Variants in EPAS1 observed in about 807,000 individuals in gnomAD.
EPAS1 encodes the protein endothelial PAS domain protein 1.
In EPAS1, 23 loss-of-function variants were observed where a neutral mutation model predicts 87.9. The ratio of observed to expected loss-of-function variants is 0.26; its 90% confidence interval spans 0.19 to 0.37. The LOEUF (loss-of-function observed/expected upper bound fraction) is 0.37. Among genes scored for constraint, EPAS1 ranks in the 10% least tolerant of loss-of-function variants. The pLI, the probability that EPAS1 is intolerant of heterozygous loss-of-function variation, is 1.00. For synonymous variants in EPAS1, 508 were observed against 444.3 expected (o/e 1.14, Z -1.80); for missense variants, 1,138 against 1,120.7 (o/e 1.02, Z -0.22).
chr2:46,339,153 G>T (rs144046194), intron 1 of EPAS1, among the ~76,000 whole-genome samples: 247 of 152,292 alleles, frequency 1.6e-3, no homozygotes, highest in Non-Finnish European at 3.0e-3. Flanking sequence ...TATTTTGAAA[G>T]AATTCTTAAT....
Position 46,380,534 on chromosome 2 carries a change from G to A in EPAS1, c.1862G>A (p.Cys621Tyr), listed in dbSNP as rs372877151. 11 of 1,614,046 alleles carry A rather than the reference G, an allele frequency of 6.8e-6. No individual in the cohort carries two copies. In the African/African-American group the frequency reaches 8.0e-5, roughly 12 times the overall value. The change falls in exon 12 of 16, where the codon TGT becomes TAT. Residue 621 changes from cysteine to tyrosine, a missense_variant. Cys to Tyr is a radical substitution (Grantham distance 194, BLOSUM62 -2). Transcript: ENST00000263734. The surrounding 1 kb of genome is among the most constrained non-coding windows in gnomAD (Gnocchi z 4.4). ...AGCAAAGCATCCCTGCCACCGTGCT[G>A]TGGCCAGGCCAGCACCCCTCTCTCT... ...AGSKASLPPC[C>Y]GQASTPLSSM...
Position 46,380,556 on chromosome 2 carries a change from C to G in EPAS1, c.1884C>G (p.Leu628=). 2.5e-6 allele frequency: 4 copies of G among 1,614,192 alleles called. No individual in the cohort carries two copies. Among genetic ancestry groups the G allele is most frequent in the Non-Finnish European group, 2.5e-6 (3 of 1,180,024 alleles). The change falls in exon 12 of 16, where the codon CTC becomes CTG. Residue 628 remains leucine (L), a synonymous_variant. Transcript: ENST00000263734. The surrounding 1 kb of genome is among the most constrained non-coding windows in gnomAD (Gnocchi z 4.4). The part of the protein sequence containing the change: ...PPCCGQASTP[L]SSMGGRSNTQ... Reference sequence around the variant, plus strand: ...GCTGTGGCCAGGCCAGCACCCCTCTCTCTTCCATGGGGGGCAGATCCAATA... The same window carrying G: ...GCTGTGGCCAGGCCAGCACCCCTCTGTCTTCCATGGGGGGCAGATCCAATA...
At chr2:46,318,096 C>G (rs1683377637) in intron 1 of EPAS1, among the ~76,000 whole-genome samples, 1 of 151,808 alleles carries the variant, frequency 6.6e-6, no homozygotes, top group Admixed American at 6.6e-5. Flanking sequence ...CACATAGAGC[C>G]CATTGTAGAG....
At chr2:46,343,025 A>G (rs975250096) in intron 1 of EPAS1, among the ~76,000 whole-genome samples, 5 of 152,168 alleles carry the variant, frequency 3.3e-5, no homozygotes, top group East Asian at 3.8e-4. Context: ...CAAAACAAAA[A>G]GAAACACCTT....
chr2:46,372,615 G>A (rs527703770), intron 7 of EPAS1, among the ~76,000 whole-genome samples: 24 of 152,328 alleles, frequency 1.6e-4, no homozygotes, highest in African/African-American at 5.5e-4. Flanking sequence ...GTGCTTTTAG[G>A]CTTTTTATGG....
In EPAS1 at chr2:46,381,662, C is replaced by G; in HGVS notation, c.2112C>G (p.Asn704Lys). The change falls in exon 13 of 16, where the codon AAC (asparagine) becomes AAG (lysine). Residue 704 changes from asparagine (N) to lysine (K), a missense_variant. This residue lies in a region of EPAS1 where 502 missense variants were observed against 427.1 expected (regional missense o/e 1.18). Coordinates refer to ENST00000263734, the MANE Select transcript of EPAS1 (RefSeq NM_001430.5). ...VLSPAMVALS[N>K]KLKLKRQLEY... ...GTCCGGCCATGGTAGCCCTCTCCAA[C>G]AAGCTGAAGCTGAAGCGACAGCTGG... The G allele has an allele frequency of 6.2e-7, 1 of 1,614,058 alleles. No individual in the cohort carries two copies. The highest frequency in any genetic ancestry group is 8.5e-7 in the Non-Finnish European group (1 of 1,180,034).
chr2:46,366,601 G>A (rs955894660), intron 6 of EPAS1, among the ~76,000 whole-genome samples: 1 of 152,134 alleles, frequency 6.6e-6, no homozygotes, highest in African/African-American at 2.4e-5. Flanking sequence ...GGTGAATTAA[G>A]TCCTTGTACA....
At chr2:46,345,856 C>A (rs1684012325) in intron 1 of EPAS1, among the ~76,000 whole-genome samples, 1 of 152,094 alleles carries the variant, frequency 6.6e-6, no homozygotes. Flanking sequence ...TATTAGCTAA[C>A]ATTGATTGCT....
chr2:46,384,442 A>T, intron 15 of EPAS1, 67 bp from the exon 16 acceptor site: 1 of 1,609,412 alleles, frequency 6.2e-7, no homozygotes, highest in African/African-American at 1.3e-5. Context: ...CCCAGTCACA[A>T]AGAAGTAGAC....
intron 7 of EPAS1, among the ~76,000 whole-genome samples, chr2:46,372,623 T>A (rs1286247656): frequency 2.6e-5 from 4 of 152,256 alleles, no homozygotes; most frequent in African/African-American, 9.6e-5. Flanking sequence ...AGGCTTTTTA[T>A]GGCCTTTAAT....
intron 6 of EPAS1, among the ~76,000 whole-genome samples, chr2:46,368,948 A>C (rs566986067): frequency 6.6e-6 from 1 of 152,280 alleles, no homozygotes; most frequent in East Asian, 1.9e-4. Context: ...TTACAGCACA[A>C]AACAAAGGGT....
At chr2:46,363,011 G>GA (rs1558603161) in intron 6 of EPAS1, among the ~76,000 whole-genome samples, 3 of 114,710 alleles carry the variant, frequency 2.6e-5, no homozygotes, top group Non-Finnish European at 5.6e-5. Context: ...GGTGGTGGTG[G>GA]TGGTGGTGAT....
intron 1 of EPAS1, among the ~76,000 whole-genome samples, chr2:46,317,844 A>G (rs1463147860): frequency 1.3e-5 from 2 of 152,120 alleles, no homozygotes; most frequent in Non-Finnish European, 1.5e-5. Context: ...TTGCATTTTT[A>G]TGTTATGGAG....
intron 1 of EPAS1, among the ~76,000 whole-genome samples, chr2:46,331,898 C>T (rs1050735666): frequency 7.2e-5 from 11 of 152,018 alleles, no homozygotes; most frequent in South Asian, 2.1e-4. Flanking sequence ...TTTTTTTCCC[C>T]GGGCTTAAAG....
chr2:46,297,813 C>G lies in EPAS1; in HGVS notation c.-99C>G. ...CTGCGCGCACCTCGGACCTTCACCA[C>G]CCGCCCGGGCCGCGGGGAGCGGACG... On this transcript the variant is annotated 5_prime_UTR_variant, in exon 1 of 16. Coordinates refer to ENST00000263734, the MANE Select transcript of EPAS1 (RefSeq NM_001430.5). 2 of 1,526,940 alleles carry G rather than the reference C, an allele frequency of 1.3e-6. No homozygotes were observed. The highest frequency in any genetic ancestry group is 8.9e-7 in the Non-Finnish European group (1 of 1,127,042). 94.6% of individuals were successfully genotyped at this position (1,526,940 alleles called of 1,614,324 possible). A position where few individuals can be genotyped will look rare whatever the true frequency, so the allele number is the denominator to read the frequency against.
Position 46,362,102 on chromosome 2 carries a change from T to G in EPAS1, c.779+1012T>G, listed in dbSNP as rs1157234949. Among the ~76,000 whole-genome samples, 3 of 152,226 alleles carry G rather than the reference T, an allele frequency of 2.0e-5. No homozygotes were observed. The South Asian group carries it at 6.2e-4, about 32-fold the overall frequency. On this transcript the variant is annotated intron_variant, in intron 6 of 15. Transcript: ENST00000263734. ...GCGCCCTTCCTGGCAGAGATCTCCC[T>G]GCCTGACCTCAGCTTTCTGCAGCAT...
chr2:46,343,397 C>T (rs1293686905), intron 1 of EPAS1, among the ~76,000 whole-genome samples: 4 of 152,200 alleles, frequency 2.6e-5, no homozygotes, highest in Admixed American at 2.6e-4. Flanking sequence ...ATCAACACAG[C>T]ACAGGGAACA....
Position 46,382,495 on chromosome 2 carries a change from A to C in EPAS1, c.2358A>C (p.Pro786=), listed in dbSNP as rs1339746332. The C allele has an allele frequency of 6.2e-7, 1 of 1,614,042 alleles. No individual in the cohort carries two copies. The highest frequency in any genetic ancestry group is 2.2e-5 in the East Asian group (1 of 44,896). The change falls in exon 15 of 16, where the codon CCA becomes CCC. Residue 786 remains proline (P), a synonymous_variant. Transcript: ENST00000263734. ...GACATCTGCCGCTGCCACAGCCTCCATCTGCCATCAGTCCCGGGGAGAACA... is the reference window on the plus strand; with the variant it reads ...GACATCTGCCGCTGCCACAGCCTCCCTCTGCCATCAGTCCCGGGGAGAACA... The part of the protein sequence containing the change: ...PLRHLPLPQP[P]SAISPGENSK...
chr2:46,336,367 T>C (rs1217646379), intron 1 of EPAS1, among the ~76,000 whole-genome samples: 2 of 151,184 alleles, frequency 1.3e-5, no homozygotes, highest in Non-Finnish European at 1.5e-5. Context: ...AGGGAGGCCT[T>C]TAATAAGGGC....
Sources: gnomAD v4.1 joint callset for allele counts (sites outside exome capture counted in the v4.1 genomes callset) on GRCh38, gnomAD v4.1.1 for gene constraint, gnomAD v4.1.1 regional missense constraint, Gnocchi (gnomAD v3.1) non-coding constraint, MANE v1.5 for transcripts, NCBI Gene and HGNC (gene_info 2026-07-23, HGNC 2026-07-21) for gene names.